ZNF804B: variants seen among roughly 807,000 people sequenced by gnomAD.
ZNF804B encodes the protein zinc finger 804B.
In ZNF804B, 80 loss-of-function variants were observed where a neutral mutation model predicts 101.4. The ratio of observed to expected loss-of-function variants is 0.79; its 90% CI spans 0.66 to 0.95. The LOEUF is 0.95. ZNF804B is among the 40% of genes least tolerant of loss of function. The probability of loss-of-function intolerance (pLI) is 0.00; values close to 1 mark genes in which losing one functional copy is unlikely to be tolerated. For synonymous variants in ZNF804B, 622 were observed against 558.8 expected (o/e 1.11, Z -1.59); for missense variants, 1,673 against 1,561.9 (o/e 1.07, Z -1.20).
intron 1 of ZNF804B, among the ~76,000 whole-genome samples, chr7:89,002,936 G>C (rs997071205): frequency 6.6e-6 from 1 of 151,888 alleles, no homozygotes; most frequent in Non-Finnish European, 1.5e-5. Flanking sequence ...TCTTGAATGT[G>C]ATTTCAGTAT....
intron 1 of ZNF804B, among the ~76,000 whole-genome samples, chr7:88,779,525 A>G (rs1790192745): frequency 6.6e-6 from 1 of 152,180 alleles, no homozygotes; most frequent in African/African-American, 2.4e-5. Flanking sequence ...AGCACTCACT[A>G]TATGCCAGAC....
chr7:88,863,193 G>T (rs1791675939), intron 1 of ZNF804B, among the ~76,000 whole-genome samples: 1 of 152,016 alleles, frequency 6.6e-6, no homozygotes, highest in Non-Finnish European at 1.5e-5. Context: ...TTCACATGCT[G>T]TTCTCTCTCC....
chr7:89,112,202 T>A (rs139640754), intron 1 of ZNF804B, among the ~76,000 whole-genome samples: 98 of 151,928 alleles, frequency 6.5e-4, no homozygotes, highest in African/African-American at 2.3e-3. Flanking sequence ...AAACTGAAGA[T>A]CACATAGATT....
chr7:89,193,263 C>T (rs961830043), intron 1 of ZNF804B, among the ~76,000 whole-genome samples: 3 of 115,454 alleles, frequency 2.6e-5, no homozygotes, highest in African/African-American at 1.0e-4. Context: ...CATCTCAGCC[C>T]AAAAGCTTCG....
chr7:89,117,429 A>T (rs188397784), intron 1 of ZNF804B, among the ~76,000 whole-genome samples: 1 of 152,250 alleles, frequency 6.6e-6, no homozygotes, highest in Admixed American at 6.5e-5. Context: ...TTTCCTTCTA[A>T]GTTTCTATTA....
intron 1 of ZNF804B, among the ~76,000 whole-genome samples, chr7:89,197,040 C>T (rs1338121972): frequency 6.6e-6 from 1 of 151,948 alleles, no homozygotes; most frequent in Non-Finnish European, 1.5e-5. Flanking sequence ...TTAGTTCAAC[C>T]ATTATGGGAG....
At chr7:88,937,753 C>T (rs1792995177) in intron 1 of ZNF804B, among the ~76,000 whole-genome samples, 1 of 151,954 alleles carries the variant, frequency 6.6e-6, no homozygotes. Context: ...TATGTGTGCA[C>T]CTTTCATATT....
chr7:88,905,084 A>G (rs2115961708), intron 1 of ZNF804B, among the ~76,000 whole-genome samples: 1 of 152,178 alleles, frequency 6.6e-6, no homozygotes, highest in East Asian at 1.9e-4. Flanking sequence ...AGCTTTTGGT[A>G]TGTTGTATAT....
intron 1 of ZNF804B, among the ~76,000 whole-genome samples, chr7:89,094,498 G>A (rs1380576290): frequency 6.6e-6 from 1 of 151,942 alleles, no homozygotes; most frequent in Non-Finnish European, 1.5e-5. Context: ...TGCCTCCACT[G>A]CTGTCCATAA....
intron 1 of ZNF804B, among the ~76,000 whole-genome samples, chr7:88,845,301 G>GCACACACACACACACACACACACACA (rs372272018): frequency 2.7e-5 from 4 of 150,040 alleles, no homozygotes; most frequent in Non-Finnish European, 6.0e-5. Flanking sequence ...GCACGCGCGC[G>GCACACACACACACACACACACACACA]CACACACACA....
chr7:89,325,809 T>C (rs975640294), intron 2 of ZNF804B, among the ~76,000 whole-genome samples: 1 of 151,930 alleles, frequency 6.6e-6, no homozygotes, highest in African/African-American at 2.4e-5. Context: ...ACCCTCTCCT[T>C]TTTTTCCAAA....
At chr7:89,003,441 G>A (rs1384662837) in intron 1 of ZNF804B, among the ~76,000 whole-genome samples, 1 of 151,982 alleles carries the variant, frequency 6.6e-6, no homozygotes, top group Non-Finnish European at 1.5e-5. Context: ...CTTGCCCAAT[G>A]TATGTAAGAG....
At chr7:89,032,737 A>G (rs779984740) in intron 1 of ZNF804B, among the ~76,000 whole-genome samples, 11 of 152,086 alleles carry the variant, frequency 7.2e-5, no homozygotes, top group South Asian at 6.2e-4. Context: ...AGGTAGGCAC[A>G]TAGGGAAATT....
At chr7:89,153,324 A>G (rs1435987328) in intron 1 of ZNF804B, among the ~76,000 whole-genome samples, 1 of 151,666 alleles carries the variant, frequency 6.6e-6, no homozygotes, top group African/African-American at 2.4e-5. Context: ...TGGCTCTCAG[A>G]TCTTCCCGTC....
intron 1 of ZNF804B, among the ~76,000 whole-genome samples, chr7:89,159,930 A>G (rs1017500617): frequency 1.3e-5 from 2 of 152,118 alleles, no homozygotes; most frequent in African/African-American, 4.8e-5. Flanking sequence ...CTCCCAAAGG[A>G]AAGAAGAGTC....
rs1212485064 is a variant in ZNF804B at position 88,998,528 on chromosome 7, TA to T, written c.109-219626del. On this transcript the variant is annotated intron_variant, in intron 1 of 3. Coordinates refer to ENST00000333190, the MANE Select transcript of ZNF804B (RefSeq NM_181646.5). Reference sequence around the variant, plus strand: ...GAGGAGATGATATTATCTCCAAATTTACCTGATCATAAGAAGTATCTTACCA... The same window carrying T: ...GAGGAGATGATATTATCTCCAAATTTCCTGATCATAAGAAGTATCTTACCA... Among the ~76,000 whole-genome samples, 3 of 152,048 alleles carry T rather than the reference TA, an allele frequency of 2.0e-5. No individual in the cohort carries two copies. In the East Asian group the frequency reaches 5.8e-4, roughly 29 times the overall value.
intron 1 of ZNF804B, among the ~76,000 whole-genome samples, chr7:89,124,672 T>C (rs924748990): frequency 1.3e-5 from 2 of 151,988 alleles, no homozygotes; most frequent in South Asian, 2.1e-4. Flanking sequence ...CAAAAATAGG[T>C]GATTATGATT....
At chr7:89,310,951 G>C (rs947579110) in intron 2 of ZNF804B, among the ~76,000 whole-genome samples, 1 of 149,906 alleles carries the variant, frequency 6.7e-6, no homozygotes, top group Non-Finnish European at 1.5e-5. Flanking sequence ...GCAGAGGTTT[G>C]CTAAAGGATT....
intron 1 of ZNF804B, among the ~76,000 whole-genome samples, chr7:89,112,739 G>A (rs1294783604): frequency 3.3e-5 from 5 of 152,100 alleles, no homozygotes; most frequent in Non-Finnish European, 7.4e-5. Context: ...TATTGAGGCT[G>A]CATAGTGCTT....
Sources: allele counts gnomAD v4.1 joint callset (sites outside exome capture counted in the v4.1 genomes callset), GRCh38; gene constraint gnomAD v4.1.1; transcripts MANE v1.5; gene names NCBI Gene and HGNC (gene_info 2026-07-23, HGNC 2026-07-21).